Variants in GRIN2B observed in about 807,000 individuals in gnomAD.
GRIN2B encodes glutamate receptor ionotropic, NMDA 2B.
A neutral mutation model predicts 114.5 loss-of-function variants in GRIN2B; 5 were observed. The observed-to-expected ratio is 0.04, with a 90% CI of 0.02 to 0.09. The LOEUF is 0.09. Among genes scored for constraint, GRIN2B ranks in the 10% least tolerant of loss-of-function variants. The pLI is 1.00. For missense variants in GRIN2B, 1,108 were observed against 1,943.5 expected (o/e 0.57, Z 8.08); for synonymous variants, 787 against 745.1 (o/e 1.06, Z -0.92).
intron 2 of GRIN2B, among the ~76,000 whole-genome samples, chr12:13,913,684 T>C (rs1350632520): frequency 2.0e-5 from 3 of 152,216 alleles, no homozygotes; most frequent in African/African-American, 7.2e-5. Context: ...ACGAGGCACA[T>C]ACTCCAACTC....
At chr12:13,675,931 T>A in intron 4 of GRIN2B, 72 bp from the exon 5 acceptor site, 1 of 853,908 alleles carries the variant, frequency 1.2e-6, no homozygotes, top group East Asian at 2.4e-5. Flanking sequence ...GTCAGGTATA[T>A]AGAGAGAAAG....
rs1011942592 is a variant in GRIN2B, at chr12:13,706,947, T to C, written c.1011-31088A>G. On this transcript the variant is annotated intron_variant, in intron 4 of 13. Coordinates refer to ENST00000609686, the MANE Select transcript of GRIN2B (RefSeq NM_000834.5). The stretch of plus-strand genomic sequence containing the variant: ...AACAGCCACCCCATCTATTATCCCT[T>C]GTAAAAATCTCTTTGCCCAAGCTTG... Among the ~76,000 whole-genome samples, 7 of 152,182 alleles carry C rather than the reference T, an allele frequency of 4.6e-5. No individual in the cohort carries two copies. The South Asian group carries it at 1.5e-3, about 32-fold the overall frequency.
chr12:13,679,529 AT>A (rs1950108967), intron 4 of GRIN2B, among the ~76,000 whole-genome samples: 1 of 152,256 alleles, frequency 6.6e-6, no homozygotes, highest in African/African-American at 2.4e-5. Context: ...CTCCTCACAT[AT>A]TTTACACTTA....
intron 3 of GRIN2B, among the ~76,000 whole-genome samples, chr12:13,837,140 T>C (rs1865284707): frequency 6.6e-6 from 1 of 152,160 alleles, no homozygotes; most frequent in African/African-American, 2.4e-5. Flanking sequence ...AATGAGTCCA[T>C]CTTATCTGTC....
At chr12:13,920,998 C>T (rs1314654425) in intron 2 of GRIN2B, among the ~76,000 whole-genome samples, 1 of 152,154 alleles carries the variant, frequency 6.6e-6, no homozygotes, top group Non-Finnish European at 1.5e-5. Flanking sequence ...TAACAAAGCA[C>T]AGTACGTATT....
chr12:13,617,573 C>T (rs1372323166), intron 5 of GRIN2B, among the ~76,000 whole-genome samples: 1 of 152,250 alleles, frequency 6.6e-6, no homozygotes, highest in Admixed American at 6.5e-5. Context: ...GGTTCTCATT[C>T]TCTCTGTCTC....
intron 2 of GRIN2B, among the ~76,000 whole-genome samples, chr12:13,885,145 G>T (rs897911702): frequency 2.1e-4 from 32 of 152,076 alleles, no homozygotes; most frequent in Non-Finnish European, 4.4e-5. Context: ...GAGGAAAATT[G>T]TGCAAAAGTG....
At chr12:13,906,518 G>T (rs1866536762) in intron 2 of GRIN2B, among the ~76,000 whole-genome samples, 1 of 152,162 alleles carries the variant, frequency 6.6e-6, no homozygotes, top group Admixed American at 6.5e-5. Flanking sequence ...TTATACCCTA[G>T]AAAATGTGTG....
intron 4 of GRIN2B, among the ~76,000 whole-genome samples, chr12:13,744,485 G>T (rs1863340838): frequency 6.6e-6 from 1 of 152,134 alleles, no homozygotes; most frequent in Non-Finnish European, 1.5e-5. Flanking sequence ...GGCAAGAAAG[G>T]TTTTAAAAGC....
Position 13,880,973 on chromosome 12 carries a change from G to A in GRIN2B, c.-18-14747C>T, listed in dbSNP as rs78655355. ...TTTTCAAATTCTCTTGCCTTGCTTT[G>A]GCTGACAAAGGGGTATAAGGTTGTG... On this transcript the variant is annotated intron_variant, in intron 2 of 13. Transcript: ENST00000609686. 2.2e-3 allele frequency among the ~76,000 whole-genome samples: 337 copies of A among 151,796 alleles called. 9 individuals carry two copies. The East Asian group carries it at 0.055, about 25-fold the overall frequency.
intron 2 of GRIN2B, among the ~76,000 whole-genome samples, chr12:13,934,184 A>G (rs1289358645): frequency 6.6e-6 from 1 of 152,170 alleles, no homozygotes; most frequent in Non-Finnish European, 1.5e-5. Flanking sequence ...CTCAAATCCT[A>G]ATACTCCTTG....
At chr12:13,801,214 G>T (rs1021901850) in intron 3 of GRIN2B, among the ~76,000 whole-genome samples, 3 of 152,130 alleles carry the variant, frequency 2.0e-5, no homozygotes, top group African/African-American at 4.8e-5. Context: ...ATCATTAAGC[G>T]CACTATGTGG....
chr12:13,901,190 G>A (rs971758686), intron 2 of GRIN2B, among the ~76,000 whole-genome samples: 2 of 152,124 alleles, frequency 1.3e-5, no homozygotes, highest in East Asian at 1.9e-4. Context: ...AGTATATATC[G>A]GCAATTTATA....
chr12:13,959,266 A>T (rs1867649678), intron 2 of GRIN2B, among the ~76,000 whole-genome samples: 1 of 152,142 alleles, frequency 6.6e-6, no homozygotes, highest in African/African-American at 2.4e-5. Flanking sequence ...GTAGAGACAG[A>T]CAGGGAGGAG....
intron 3 of GRIN2B, among the ~76,000 whole-genome samples, chr12:13,807,762 A>T (rs2136680594): frequency 7.1e-6 from 1 of 139,924 alleles, no homozygotes; most frequent in African/African-American, 2.7e-5. Context: ...CAGGAAAAGT[A>T]AAGGTAGCAA....
At chr12:13,676,717 C>A (rs1173953547) in intron 4 of GRIN2B, among the ~76,000 whole-genome samples, 1 of 152,134 alleles carries the variant, frequency 6.6e-6, no homozygotes, top group Non-Finnish European at 1.5e-5. Flanking sequence ...GAGATATGCA[C>A]ATACTCTTTA....
At chr12:13,922,074 G>A (rs1387435159) in intron 2 of GRIN2B, among the ~76,000 whole-genome samples, 1 of 152,152 alleles carries the variant, frequency 6.6e-6, no homozygotes, top group Non-Finnish European at 1.5e-5. Context: ...GGTGGCACAA[G>A]CAAAGTACCT....
intron 2 of GRIN2B, among the ~76,000 whole-genome samples, chr12:13,971,631 C>T (rs1481933444): frequency 1.3e-5 from 2 of 152,088 alleles, no homozygotes; most frequent in East Asian, 3.8e-4. Flanking sequence ...TTAGCCAGCC[C>T]CATTTATTAA....
intron 10 of GRIN2B, among the ~76,000 whole-genome samples, chr12:13,581,160 A>G (rs184388849): frequency 8.5e-5 from 13 of 152,272 alleles, no homozygotes; most frequent in African/African-American, 2.9e-4. Flanking sequence ...TCATTTTTCT[A>G]AGGTAAATAT....
Sources: gnomAD v4.1 joint callset for allele counts (sites outside exome capture counted in the v4.1 genomes callset) on GRCh38, gnomAD v4.1.1 for gene constraint, MANE v1.5 for transcripts, NCBI Gene and HGNC (gene_info 2026-07-23, HGNC 2026-07-21) for gene names.